The following FAAH2 variants were observed in gnomAD, a reference collection of about 807,000 sequenced individuals.
FAAH2 encodes fatty acid amide hydrolase 2, also known as fatty-acid amide hydrolase 2.
In FAAH2, 60 loss-of-function variants were observed where a neutral mutation model predicts 36.9. The observed-to-expected ratio is 1.63, with a 90% CI of 1.32 to 2.02. FAAH2 has a LOEUF of 2.02. Ranked by LOEUF, FAAH2 falls within the 30% of genes most tolerant of loss-of-function variation. The pLI, the probability that FAAH2 is intolerant of heterozygous loss-of-function variation, is 0.00. For missense variants in FAAH2, 689 were observed against 397.5 expected, an observed-to-expected ratio of 1.73 and a Z score of -6.23; for synonymous variants, 214 against 143.8, an observed-to-expected ratio of 1.49 and a Z score of -3.49.
chrX:57,272,219 A>G, the FAAH2 span, among the ~76,000 whole-genome samples: 4 of 109,630 alleles, frequency 3.6e-5, no homozygotes, highest in South Asian at 7.9e-4. Flanking sequence ...AAAGTATAAA[A>G]AGAAAGAACA....
rs141031454 is a variant in FAAH2 at position 57,310,046 on chromosome X, A to G, written c.276-547A>G. Among the ~76,000 whole-genome samples the G allele has an allele frequency of 6.2e-3, 693 of 112,413 alleles. 3 individuals carry two copies. Among genetic ancestry groups the G allele is most frequent in the African/African-American group, 0.021 (658 of 31,012 alleles). ...GTTGAACTAATTTACATTCTCACCA[A>G]CAGCGTAAAAGCATTCCTTTACCTC... is the stretch of plus-strand genomic sequence containing the variant. On this transcript the variant is annotated intron_variant, in intron 2 of 10. Transcript: ENST00000374900.
At chrX:57,206,067 A>C in the FAAH2 span, among the ~76,000 whole-genome samples, 32 of 111,867 alleles carry the variant, frequency 2.9e-4, no homozygotes, top group Non-Finnish European at 5.5e-4. Context: ...AAAAATTAGC[A>C]AATGTGGGGT....
At chrX:57,163,134 T>C in the FAAH2 span, among the ~76,000 whole-genome samples, 1 of 111,888 alleles carries the variant, frequency 8.9e-6, no homozygotes, top group East Asian at 2.8e-4. Flanking sequence ...GAGGTGTCAG[T>C]GTGCCCCTGC....
chrX:57,294,282 T>C (rs1174071276), intron 2 of FAAH2, among the ~76,000 whole-genome samples: 2 of 112,339 alleles, frequency 1.8e-5, no homozygotes, highest in African/African-American at 6.5e-5. Flanking sequence ...CTCAAGGCAG[T>C]TCAATGATTA....
At chrX:57,453,637 C>T (rs1287221027) in intron 10 of FAAH2, among the ~76,000 whole-genome samples, 1 of 111,621 alleles carries the variant, frequency 9.0e-6, no homozygotes, top group Non-Finnish European at 1.9e-5. Context: ...CCAAACCCGC[C>T]ACTCATAGCC....
chrX:57,413,500 G>A (rs1205937574), intron 7 of FAAH2, among the ~76,000 whole-genome samples: 1 of 111,114 alleles, frequency 9.0e-6, no homozygotes, highest in Non-Finnish European at 1.9e-5. Context: ...CATTGCTTGT[G>A]TCAGGTTTGT....
chrX:57,456,998 A>G (rs192698070), intron 10 of FAAH2, among the ~76,000 whole-genome samples: 1 of 111,072 alleles, frequency 9.0e-6, no homozygotes, highest in Non-Finnish European at 1.9e-5. Flanking sequence ...AAAGTAAAAT[A>G]AAAAAAAATT....
chrX:57,470,159 A>G (rs771542774), intron 10 of FAAH2, among the ~76,000 whole-genome samples: 38 of 111,558 alleles, frequency 3.4e-4, no homozygotes, highest in African/African-American at 9.5e-4. Flanking sequence ...AAAGATCGAA[A>G]TTTGACACCC....
At chrX:57,139,751 T>G in the FAAH2 span, among the ~76,000 whole-genome samples, 29 of 111,741 alleles carry the variant, frequency 2.6e-4, no homozygotes, top group Admixed American at 2.5e-3. Flanking sequence ...ACCACGCCTG[T>G]CCCCATAGGT....
chrX:57,381,036 T>A lies in FAAH2; in HGVS notation c.996+7T>A. The A allele has an allele frequency of 8.8e-7, 1 of 1,132,696 alleles. No individual in the cohort carries two copies. Among genetic ancestry groups the A allele is most frequent in the Non-Finnish European group, 1.2e-6 (1 of 834,199 alleles). The allele number at this position is 1,132,696 out of a possible 1,213,427, so 93.3% of individuals were successfully genotyped here. A position where few individuals can be genotyped will look rare whatever the true frequency, so the allele number is the denominator to read the frequency against. ...CATTATGACTCAGAAAAAGGTAATT[T>A]TAAATAAAATTTGTTTAGGAATTAT... On this transcript the variant is annotated splice_region_variant and intron_variant, in intron 7 of 10. Coordinates refer to ENST00000374900, the MANE Select transcript of FAAH2 (RefSeq NM_174912.4).
the FAAH2 span, among the ~76,000 whole-genome samples, chrX:57,221,122 C>A: frequency 9.0e-6 from 1 of 111,467 alleles, no homozygotes; most frequent in Non-Finnish European, 1.9e-5. Flanking sequence ...CCCCCCTCCA[C>A]TTTTCTGCTC....
chrX:57,250,012 T>C, the FAAH2 span, among the ~76,000 whole-genome samples: 1 of 112,001 alleles, frequency 8.9e-6, no homozygotes. Flanking sequence ...TGTGGACCAT[T>C]GTAATTTACC....
chrX:57,267,696 A>T, the FAAH2 span, among the ~76,000 whole-genome samples: 1 of 112,092 alleles, frequency 8.9e-6, no homozygotes, highest in Non-Finnish European at 1.9e-5. Context: ...GCCCAATACA[A>T]GTCCTGCAGA....
At chrX:57,474,444 T>G (rs1278651699) in intron 10 of FAAH2, among the ~76,000 whole-genome samples, 1 of 110,901 alleles carries the variant, frequency 9.0e-6, no homozygotes, top group Non-Finnish European at 1.9e-5. Context: ...CACTTATGAG[T>G]GAGAACATGT....
At chrX:57,303,974 A>G (rs2052449220) in intron 2 of FAAH2, among the ~76,000 whole-genome samples, 1 of 111,572 alleles carries the variant, frequency 9.0e-6, no homozygotes, top group South Asian at 3.8e-4. Context: ...TGAGAGGCTG[A>G]GGCGGGCAGA....
At chrX:57,226,355 TTC>T in the FAAH2 span, among the ~76,000 whole-genome samples, 1 of 112,224 alleles carries the variant, frequency 8.9e-6, no homozygotes, top group Non-Finnish European at 1.9e-5. Context: ...TAATGGTGAA[TTC>T]TCTCAATATT....
At chrX:57,222,683 CT>C in the FAAH2 span, among the ~76,000 whole-genome samples, 1 of 111,909 alleles carries the variant, frequency 8.9e-6, no homozygotes, top group Admixed American at 9.4e-5. Context: ...AGAAAACCCC[CT>C]CCTACCAATC....
rs1254962830 is a variant in FAAH2, at chrX:57,310,632, A to G, written c.315A>G (p.Gln105=). 1 of 1,210,225 alleles carries G rather than the reference A, an allele frequency of 8.3e-7. No individual in the cohort carries two copies. The highest frequency in any genetic ancestry group is 2.2e-5 in the Admixed American group (1 of 45,889). The part of the protein sequence containing the change: ...EAMKEAHAVD[Q]KLAEKQEDEA... ...TGAAGGAGGCTCATGCTGTAGATCAAAAGCTTGCAGAGAAGCAGGAAGATG... is the reference window on the plus strand; with the variant it reads ...TGAAGGAGGCTCATGCTGTAGATCAGAAGCTTGCAGAGAAGCAGGAAGATG... Residue 105 remains glutamine (Q), a synonymous_variant, in exon 3 of 11, where the codon CAA becomes CAG. Coordinates refer to ENST00000374900, the MANE Select transcript of FAAH2 (RefSeq NM_174912.4).
chrX:57,169,562 A>C, the FAAH2 span, among the ~76,000 whole-genome samples: 1 of 44,967 alleles, frequency 2.2e-5, no homozygotes, highest in African/African-American at 5.2e-5. Context: ...ATATATATAT[A>C]TATATATGGT....
Sources: gnomAD v4.1 joint callset for allele counts (sites outside exome capture counted in the v4.1 genomes callset) on GRCh38, gnomAD v4.1.1 for gene constraint, MANE v1.5 for transcripts, NCBI Gene and HGNC (gene_info 2026-07-23, HGNC 2026-07-21) for gene names.